The following COQ8A variants were observed in gnomAD, a reference collection of about 807,000 sequenced individuals.
The protein encoded by COQ8A is atypical kinase COQ8A, mitochondrial.
A neutral mutation model predicts 65.0 loss-of-function variants in COQ8A; 51 were observed. The observed-to-expected ratio is 0.78, with a 90% CI of 0.63 to 0.99. The LOEUF (loss-of-function observed/expected upper bound fraction) is 0.99. Among genes scored for constraint, COQ8A ranks in the 50% least tolerant of loss-of-function variants. The pLI is 0.00. For missense variants in COQ8A, 940 were observed against 875.0 expected (o/e 1.07, Z -0.94); for synonymous variants, 371 against 353.2 (o/e 1.05, Z -0.57).
intron 14 of COQ8A, among the ~76,000 whole-genome samples, chr1:226,985,800 T>TA (rs1660071658): frequency 6.6e-6 from 1 of 152,136 alleles, no homozygotes; most frequent in Admixed American, 6.5e-5. Context: ...GGGAAGGAGT[T>TA]AAAGAAATCC....
chr1:226,986,888 G>A lies in COQ8A; in HGVS notation c.*151G>A, dbSNP rs1263986095. On this transcript the variant is annotated 3_prime_UTR_variant, in exon 15 of 15. Coordinates refer to ENST00000366777, the MANE Select transcript of COQ8A (RefSeq NM_020247.5). ...GAGCCCCGTAGCCAGCGCTTTCCAC[G>A]GTTTCTGTTGCTAAATGGTTGTAGG... 6 of 922,008 alleles carry A rather than the reference G, an allele frequency of 6.5e-6. No individual in the cohort carries two copies. Among genetic ancestry groups the A allele is most frequent in the African/African-American group, 1.7e-5 (1 of 60,362 alleles). The allele number at this position is 922,008 out of a possible 1,614,324, so 57.1% of individuals were successfully genotyped here.
chr1:226,961,515 C>T lies in COQ8A; in HGVS notation c.130C>T (p.Gln44Ter). The change falls in exon 2 of 15, where the codon CAG becomes TAG. Residue 44 changes from glutamine (Q) to a stop codon, truncating the protein, a stop_gained. Coordinates refer to ENST00000366777, the MANE Select transcript of COQ8A (RefSeq NM_020247.5). LOFTEE classifies it high-confidence loss of function. ...GCTGATCATGGCGGCCAGGGCCCTG[C>T]AGTCCACGGCTGTGGAGCAGATTGG... The part of the protein sequence containing the change: ...GELIMAARAL[Q>*]STAVEQIGMF... The T allele has an allele frequency of 6.2e-7, 1 of 1,613,792 alleles. No homozygotes were observed. Among genetic ancestry groups the T allele is most frequent in the African/African-American group, 1.3e-5 (1 of 75,072 alleles).
At chr1:226,962,979 G>A (rs893848178) in intron 2 of COQ8A, among the ~76,000 whole-genome samples, 1 of 152,250 alleles carries the variant, frequency 6.6e-6, no homozygotes, top group Non-Finnish European at 1.5e-5. Flanking sequence ...TGGTGCCTGA[G>A]TGTGGGGCCT....
At chr1:226,980,160 G>A (rs751043081) in intron 5 of COQ8A, among the ~76,000 whole-genome samples, 2 of 152,218 alleles carry the variant, frequency 1.3e-5, no homozygotes, top group Admixed American at 1.3e-4. Flanking sequence ...GGAGGACACC[G>A]GCCACCCTGG....
rs200182503 is a variant in COQ8A, at chr1:226,965,224, C to A, written c.402C>A (p.Ala134=). The part of the protein sequence containing the change: ...PFREAGFPGQ[A]SSPLGRANGR... ...GAGAAGCCGGGTTCCCCGGCCAGGC[C>A]TCCTCCCCTCTGGGCAGGGCCAACG... is the stretch of plus-strand genomic sequence containing the variant. The change falls in exon 3 of 15, where the codon GCC becomes GCA. Residue 134 remains alanine, a synonymous_variant. Transcript: ENST00000366777. 1 of 1,613,912 alleles carries A rather than the reference C, an allele frequency of 6.2e-7. No homozygotes were observed.
intron 4 of COQ8A, among the ~76,000 whole-genome samples, chr1:226,968,666 A>T (rs1003638835): frequency 5.3e-5 from 8 of 152,156 alleles, no homozygotes; most frequent in Non-Finnish European, 1.2e-4. Flanking sequence ...TCTAGGTCTC[A>T]GGGAGGTAGG....
At position 226,986,786 on chromosome 1, in the gene COQ8A, A is replaced by C; in HGVS notation, c.*49A>C. On this transcript the variant is annotated 3_prime_UTR_variant, in exon 15 of 15. Coordinates refer to ENST00000366777, the MANE Select transcript of COQ8A (RefSeq NM_020247.5). ...GCTCCGCGGGAACTCTCTCCCTCAG[A>C]CAGGCCAAAAACCAGTAGCGAGGTC... is the stretch of plus-strand genomic sequence containing the variant. 6.3e-7 allele frequency: 1 copy of C among 1,592,492 alleles called. No individual in the cohort carries two copies. Among genetic ancestry groups the C allele is most frequent in the East Asian group, 2.3e-5 (1 of 44,242 alleles).
Position 226,984,637 on chromosome 1 carries a change from T to C in COQ8A, c.1488T>C (p.Tyr496=), listed in dbSNP as rs759222529. 1.2e-6 allele frequency: 2 copies of C among 1,614,106 alleles called. No homozygotes were observed. Among genetic ancestry groups the C allele is most frequent in the Non-Finnish European group, 1.7e-6 (2 of 1,179,936 alleles). ...QTDPNWSNFF[Y]DPQQHKVALL... Reference sequence around the variant, plus strand: ...ACCCCAACTGGTCCAACTTCTTCTATGACCCCCAGCAGCACAAGGTGAGCC... The same window carrying C: ...ACCCCAACTGGTCCAACTTCTTCTACGACCCCCAGCAGCACAAGGTGAGCC... The change falls in exon 12 of 15, where the codon TAT becomes TAC. Residue 496 remains tyrosine, a synonymous_variant. Transcript: ENST00000366777.
At position 226,946,298 on chromosome 1, in the gene COQ8A, T is replaced by A. The variant is rs192206126; in HGVS notation, c.-10+5899T>A. On this transcript the variant is annotated intron_variant, in intron 1 of 14. Transcript: ENST00000366777. The surrounding 1 kb of genome is among the most constrained non-coding windows in gnomAD (Gnocchi z 5.3). Reference sequence around the variant, plus strand: ...AGGAGATGACTTGCCTATGGAGGGGTTTACCAGTCCAGCAGGGTGGCCAAG... The same window carrying A: ...AGGAGATGACTTGCCTATGGAGGGGATTACCAGTCCAGCAGGGTGGCCAAG... Among the ~76,000 whole-genome samples, 1 of 151,780 alleles carries A rather than the reference T, an allele frequency of 6.6e-6. No homozygotes were observed. Among genetic ancestry groups the A allele is most frequent in the Admixed American group, 6.6e-5 (1 of 15,250 alleles).
chr1:226,980,078 G>A (rs1035512614), intron 5 of COQ8A, among the ~76,000 whole-genome samples: 1 of 152,214 alleles, frequency 6.6e-6, no homozygotes, highest in Non-Finnish European at 1.5e-5. Context: ...GGCTTAGGCT[G>A]GAGTGGGGTG....
chr1:226,986,188 CTG>C (rs1660097590), intron 14 of COQ8A, among the ~76,000 whole-genome samples: 2 of 152,070 alleles, frequency 1.3e-5, no homozygotes, highest in South Asian at 4.1e-4. Flanking sequence ...TGTTAAAACT[CTG>C]TATGAGTGCC....
intron 10 of COQ8A, 78 bp from the exon 11 acceptor site, chr1:226,984,016 C>T (rs1659894403): frequency 1.3e-6 from 2 of 1,575,648 alleles, no homozygotes; most frequent in Non-Finnish European, 1.7e-6. Context: ...GGCCCTCTGC[C>T]TGGTTGGGGG....
chr1:226,956,049 C>G lies in COQ8A; in HGVS notation c.-9-5328C>G, dbSNP rs368006123. ...TGGTTCACACTCTCCCTGGCTCTCACTCTCCCTGGCTCCCACTCTCCCTGG... is the reference window on the plus strand; with the variant it reads ...TGGTTCACACTCTCCCTGGCTCTCAGTCTCCCTGGCTCCCACTCTCCCTGG... On this transcript the variant is annotated intron_variant, in intron 1 of 14. Transcript: ENST00000366777. Among the ~76,000 whole-genome samples, 14 of 143,378 alleles carry G rather than the reference C, an allele frequency of 9.8e-5. No individual in the cohort carries two copies. The South Asian group carries it at 1.8e-3, about 19-fold the overall frequency. The allele number at this position is 143,378 out of a possible 152,430, so 94.1% of individuals were successfully genotyped here.
At chr1:226,956,692 C>T (rs1310125697) in intron 1 of COQ8A, among the ~76,000 whole-genome samples, 20 of 90,600 alleles carry the variant, frequency 2.2e-4, no homozygotes, top group East Asian at 8.8e-4. Flanking sequence ...TCCCTGGCTC[C>T]CACTCTCCCT....
chr1:226,980,371 G>A (rs2148119555), intron 5 of COQ8A, among the ~76,000 whole-genome samples: 1 of 152,350 alleles, frequency 6.6e-6, no homozygotes, highest in East Asian at 1.9e-4. Flanking sequence ...CCATCTCTCA[G>A]GAGTGCTGCT....
intron 4 of COQ8A, 167 bp from the exon 5 acceptor site, chr1:226,977,282 A>G: frequency 1.6e-6 from 1 of 615,570 alleles, no homozygotes; most frequent in African/African-American, 1.8e-5. Flanking sequence ...TTAAAACAAC[A>G]GGTGGCATCT....
At position 226,949,269 on chromosome 1, in the gene COQ8A, A is replaced by G. The variant is rs1200947061; in HGVS notation, c.-10+8870A>G. On this transcript the variant is annotated intron_variant, in intron 1 of 14. Coordinates refer to ENST00000366777, the MANE Select transcript of COQ8A (RefSeq NM_020247.5). The surrounding 1 kb of genome is among the most constrained non-coding windows in gnomAD (Gnocchi z 4.0). ...AGGCGCAGGAGTTTGGGTTTTATAT[A>G]TATGTCTACATACATGTCTACAGGT... Among the ~76,000 whole-genome samples, 3 of 151,928 alleles carry G rather than the reference A, an allele frequency of 2.0e-5. No individual in the cohort carries two copies. Among genetic ancestry groups the G allele is most frequent in the African/African-American group, 7.3e-5 (3 of 41,340 alleles).
At chr1:226,956,515 C>G (rs1657772898) in intron 1 of COQ8A, among the ~76,000 whole-genome samples, 1 of 115,616 alleles carries the variant, frequency 8.6e-6, no homozygotes, top group Non-Finnish European at 1.8e-5. Context: ...CACACTCTCC[C>G]TGGCTCCCAC....
intron 2 of COQ8A, among the ~76,000 whole-genome samples, chr1:226,962,883 T>TGCAGGACTCA (rs1310788584): frequency 6.6e-6 from 1 of 152,228 alleles, no homozygotes; most frequent in African/African-American, 2.4e-5. Flanking sequence ...AGCAATTTGC[T>TGCAGGACTCA]GCAGGACTCA....
Sources: allele counts gnomAD v4.1 joint callset (sites outside exome capture counted in the v4.1 genomes callset), GRCh38; gene constraint gnomAD v4.1.1; non-coding constraint Gnocchi (gnomAD v3.1); transcripts MANE v1.5; gene names NCBI Gene and HGNC (gene_info 2026-07-23, HGNC 2026-07-21).